The following FOXO1 variants were observed in gnomAD, a reference collection of about 807,000 sequenced individuals.
The protein encoded by FOXO1 is forkhead box O1.
FOXO1 carries 6 observed loss-of-function variants against 44.1 expected under a neutral mutation model. That is an observed-to-expected ratio of 0.14 (90% CI 0.07 to 0.27). The LOEUF (loss-of-function observed/expected upper bound fraction) is 0.27, where lower values mean the gene tolerates loss of function less well. Among genes scored for constraint, FOXO1 ranks in the 10% least tolerant of loss-of-function variants. The probability of loss-of-function intolerance (pLI) is 1.00; values close to 1 mark genes in which losing one functional copy is unlikely to be tolerated. For missense variants in FOXO1, 737 were observed against 888.8 expected (o/e 0.83, Z 2.17); for synonymous variants, 380 against 362.7 (o/e 1.05, Z -0.54).
chr13:40,623,787 C>T (rs897202932), intron 1 of FOXO1, among the ~76,000 whole-genome samples: 2 of 151,980 alleles, frequency 1.3e-5, no homozygotes, highest in African/African-American at 2.4e-5. Context: ...GAAAGGGGTC[C>T]AGTTCTGGGG....
intron 1 of FOXO1, among the ~76,000 whole-genome samples, chr13:40,645,060 C>T (rs571249619): frequency 1.3e-3 from 193 of 152,290 alleles, no homozygotes; most frequent in African/African-American, 4.3e-3. Flanking sequence ...ACATGCACAT[C>T]TAGAATACTG....
intron 1 of FOXO1, among the ~76,000 whole-genome samples, chr13:40,578,909 T>C (rs1015634879): frequency 2.6e-4 from 39 of 152,232 alleles, no homozygotes; most frequent in African/African-American, 7.7e-4. Context: ...CCCGCGCTTC[T>C]TGACAGACTA....
intron 1 of FOXO1, chr13:40,619,411 A>T: frequency 1.1e-6 from 1 of 889,702 alleles, no homozygotes; most frequent in Non-Finnish European, 1.8e-6. Context: ...GGGCACAGGA[A>T]ATGCAACTCA....
Position 40,560,696 on chromosome 13 carries a change from C to T in FOXO1, c.795G>A (p.Lys265=), listed in dbSNP as rs1276254319. The T allele has an allele frequency of 6.2e-7, 1 of 1,614,224 alleles. No individual in the cohort carries two copies. Residue 265 remains lysine (K), a synonymous_variant, in exon 2 of 3, where the codon AAG becomes AAA. Coordinates refer to ENST00000379561, the MANE Select transcript of FOXO1 (RefSeq NM_002015.4). The surrounding 1 kb of genome is among the most constrained non-coding windows in gnomAD (Gnocchi z 5.1). The part of the protein sequence containing the change: ...ASMDNNSKFA[K]SRSRAAKKKA... ...TCTTCTTGGCAGCTCGGCTTCGGCT[C>T]TTAGCAAATTTACTGTTGTTGTCCA...
intron 1 of FOXO1, among the ~76,000 whole-genome samples, chr13:40,633,158 G>A (rs1349884560): frequency 6.6e-6 from 1 of 152,184 alleles, no homozygotes; most frequent in Admixed American, 6.5e-5. Flanking sequence ...TTTCATGGTA[G>A]GAATGTAAAA....
chr13:40,661,785 T>A (rs1166212605), intron 1 of FOXO1, among the ~76,000 whole-genome samples: 2 of 152,052 alleles, frequency 1.3e-5, no homozygotes, highest in African/African-American at 2.4e-5. Flanking sequence ...ATACCCAAAT[T>A]ACAGAATATT....
At chr13:40,587,887 TCTG>T (rs1399905831) in intron 1 of FOXO1, among the ~76,000 whole-genome samples, 3 of 152,256 alleles carry the variant, frequency 2.0e-5, no homozygotes, top group Non-Finnish European at 4.4e-5. Context: ...GTAATGGGTC[TCTG>T]CCTCTGTGCC....
At chr13:40,643,117 G>A (rs1481219944) in intron 1 of FOXO1, among the ~76,000 whole-genome samples, 1 of 151,976 alleles carries the variant, frequency 6.6e-6, no homozygotes, top group Admixed American at 6.6e-5. Context: ...CAAAGCAGGT[G>A]GATCATTTGA....
At chr13:40,640,760 T>TGTG (rs1877322772) in intron 1 of FOXO1, among the ~76,000 whole-genome samples, 2 of 106,798 alleles carry the variant, frequency 1.9e-5, no homozygotes, top group Admixed American at 9.3e-5. Flanking sequence ...TTATTTCTTT[T>TGTG]GTTGTTGTTG....
chr13:40,611,676 C>G (rs1876238413), intron 1 of FOXO1, among the ~76,000 whole-genome samples: 1 of 152,190 alleles, frequency 6.6e-6, no homozygotes, highest in Non-Finnish European at 1.5e-5. Flanking sequence ...CACACGGAAG[C>G]TGTGTTTGGG....
At chr13:40,665,207 G>C (rs894813485) in intron 1 of FOXO1, among the ~76,000 whole-genome samples, 9 of 152,066 alleles carry the variant, frequency 5.9e-5, no homozygotes, top group African/African-American at 1.7e-4. Flanking sequence ...CCCCCGCGGA[G>C]GTCCGGGAGG....
At chr13:40,616,307 G>T (rs1876421285) in intron 1 of FOXO1, among the ~76,000 whole-genome samples, 1 of 151,956 alleles carries the variant, frequency 6.6e-6, no homozygotes, top group South Asian at 2.1e-4. Flanking sequence ...CGCAAAAAAA[G>T]AACACTGCAC....
intron 1 of FOXO1, among the ~76,000 whole-genome samples, chr13:40,631,767 G>A (rs1237166834): frequency 6.6e-6 from 1 of 152,152 alleles, no homozygotes; most frequent in Non-Finnish European, 1.5e-5. Flanking sequence ...GAAGAAGGAG[G>A]AAATGCGAAG....
Position 40,633,083 on chromosome 13 carries a change from G to A in FOXO1, c.630+32500C>T, listed in dbSNP as rs1021879820. On this transcript the variant is annotated intron_variant, in intron 1 of 2. Transcript: ENST00000379561. Reference sequence around the variant, plus strand: ...GATACCACTTCACACCCACTAGAACGGCTAAAATAAACAAGACAATAACAA... The same window carrying A: ...GATACCACTTCACACCCACTAGAACAGCTAAAATAAACAAGACAATAACAA... Among the ~76,000 whole-genome samples the A allele has an allele frequency of 5.3e-5, 8 of 152,106 alleles. No individual in the cohort carries two copies. In the South Asian group the frequency reaches 8.3e-4, roughly 16 times the overall value.
At chr13:40,598,156 A>T (rs1161665905) in intron 1 of FOXO1, among the ~76,000 whole-genome samples, 1 of 152,252 alleles carries the variant, frequency 6.6e-6, no homozygotes, top group Non-Finnish European at 1.5e-5. Context: ...GCCCCAGTTC[A>T]GAGGAGGGAA....
At chr13:40,638,594 A>T (rs1381076170) in intron 1 of FOXO1, among the ~76,000 whole-genome samples, 1 of 152,124 alleles carries the variant, frequency 6.6e-6, no homozygotes, top group Non-Finnish European at 1.5e-5. Context: ...TTAAGGGGGG[A>T]ATCAAAGGAA....
intron 1 of FOXO1, among the ~76,000 whole-genome samples, chr13:40,580,674 A>G (rs1043655056): frequency 2.0e-5 from 3 of 152,180 alleles, no homozygotes; most frequent in African/African-American, 7.2e-5. Context: ...ATCTGACCTC[A>G]TGTCACCTCC....
At chr13:40,658,412 C>A (rs1161150598) in intron 1 of FOXO1, among the ~76,000 whole-genome samples, 1 of 152,176 alleles carries the variant, frequency 6.6e-6, no homozygotes, top group Non-Finnish European at 1.5e-5. Flanking sequence ...ATTAACCCAA[C>A]TGGGGACCTT....
chr13:40,645,525 C>A (rs917624192), intron 1 of FOXO1, among the ~76,000 whole-genome samples: 1 of 152,194 alleles, frequency 6.6e-6, no homozygotes, highest in Non-Finnish European at 1.5e-5. Context: ...CTATTAATAA[C>A]AATGACTATT....
Sources: allele counts gnomAD v4.1 joint callset (sites outside exome capture counted in the v4.1 genomes callset), GRCh38; gene constraint gnomAD v4.1.1; non-coding constraint Gnocchi (gnomAD v3.1); transcripts MANE v1.5; gene names NCBI Gene and HGNC (gene_info 2026-07-23, HGNC 2026-07-21).